SLC30A7: variants seen among roughly 807,000 people sequenced by gnomAD.
SLC30A7 encodes the protein solute carrier family 30 member 7.
A neutral mutation model predicts 46.0 loss-of-function variants in SLC30A7; 35 were observed. The observed-to-expected ratio is 0.76, with a 90% CI of 0.58 to 1.01. The LOEUF is 1.01. Among genes scored for constraint, SLC30A7 ranks in the 50% least tolerant of loss-of-function variants. The pLI is 0.00. For synonymous variants in SLC30A7, 147 were observed against 157.8 expected (o/e 0.93, Z 0.51); for missense variants, 464 against 451.1 (o/e 1.03, Z -0.26).
At chr1:100,957,817 A>C (rs533933395) in intron 8 of SLC30A7, among the ~76,000 whole-genome samples, 8 of 152,308 alleles carry the variant, frequency 5.3e-5, no homozygotes, top group African/African-American at 1.7e-4. Context: ...AAAAGATAAA[A>C]ATTTTAAGTT....
At chr1:100,961,744 C>A in intron 8 of SLC30A7, 84 bp from the exon 9 acceptor site, 1 of 688,034 alleles carries the variant, frequency 1.5e-6, no homozygotes, top group Non-Finnish European at 2.5e-6. Flanking sequence ...TATATTCTAC[C>A]GTAGGGAGGC....
At chr1:100,961,527 G>A (rs878905211) in intron 8 of SLC30A7, among the ~76,000 whole-genome samples, 4 of 152,152 alleles carry the variant, frequency 2.6e-5, no homozygotes, top group Admixed American at 1.3e-4. Flanking sequence ...TTCTGACCAC[G>A]TGGAGTCATA....
rs182407783 is a variant in SLC30A7, at chr1:100,948,192, G to C, written c.843-13636G>C. On this transcript the variant is annotated intron_variant, in intron 8 of 10. Coordinates refer to ENST00000357650, the MANE Select transcript of SLC30A7 (RefSeq NM_133496.5). ...GTTTTTGCAGTGGCTGGTGCTGGTTGTTCCTTTCCATGTTTAGTGTTTCCT... is the reference window on the plus strand; with the variant it reads ...GTTTTTGCAGTGGCTGGTGCTGGTTCTTCCTTTCCATGTTTAGTGTTTCCT... 5.3e-3 allele frequency among the ~76,000 whole-genome samples: 814 copies of C among 152,314 alleles called. 8 individuals are homozygous for C. The highest frequency in any genetic ancestry group is 0.018 in the African/African-American group (743 of 41,568).
chr1:100,951,858 CA>C (rs1408533302), intron 8 of SLC30A7, among the ~76,000 whole-genome samples: 2 of 152,138 alleles, frequency 1.3e-5, no homozygotes, highest in Non-Finnish European at 2.9e-5. Context: ...CCTTACTTCA[CA>C]AAAGAGACTT....
the SLC30A7 span, among the ~76,000 whole-genome samples, chr1:100,994,011 G>A: frequency 6.6e-6 from 1 of 151,714 alleles, no homozygotes; most frequent in South Asian, 2.1e-4. Context: ...CAAAGTACTG[G>A]GATTACAGGC....
intron 8 of SLC30A7, among the ~76,000 whole-genome samples, chr1:100,951,037 G>A (rs1195376931): frequency 6.6e-6 from 1 of 152,194 alleles, no homozygotes; most frequent in Non-Finnish European, 1.5e-5. Context: ...TCCCACTGGA[G>A]GGGAAGAAGG....
At chr1:100,967,088 C>T (rs1026507072) in intron 10 of SLC30A7, among the ~76,000 whole-genome samples, 3 of 152,166 alleles carry the variant, frequency 2.0e-5, no homozygotes, top group Non-Finnish European at 2.9e-5. Context: ...ATAAGAAGGT[C>T]ATGTCAGTAA....
At chr1:100,952,785 C>T (rs981649313) in intron 8 of SLC30A7, among the ~76,000 whole-genome samples, 3 of 152,116 alleles carry the variant, frequency 2.0e-5, no homozygotes, top group Non-Finnish European at 4.4e-5. Flanking sequence ...TCTGCAGTGT[C>T]CCTCCTAGAT....
chr1:100,925,503 G>A (rs937305392), intron 8 of SLC30A7, among the ~76,000 whole-genome samples: 4 of 152,192 alleles, frequency 2.6e-5, no homozygotes, highest in Non-Finnish European at 5.9e-5. Flanking sequence ...TGGTGGCTTG[G>A]TCTTAGGTAC....
At chr1:100,972,294 A>G (rs1195573579) in intron 10 of SLC30A7, 2 of 357,400 alleles carry the variant, frequency 5.6e-6, no homozygotes, top group East Asian at 1.1e-4. Flanking sequence ...GAAGAGGAAA[A>G]TGAGAATCTG....
intron 1 of SLC30A7, 33 bp from the exon 2 acceptor site, chr1:100,896,537 C>A: frequency 6.3e-7 from 1 of 1,597,520 alleles, no homozygotes; most frequent in Non-Finnish European, 8.6e-7. Context: ...CTCCTTAACT[C>A]TCCCGGCTCT....
At position 100,940,703 on chromosome 1, in the gene SLC30A7, TAAC is replaced by T. The variant is rs1654287964; in HGVS notation, c.842+18864_842+18866del. On this transcript the variant is annotated intron_variant, in intron 8 of 10. Coordinates refer to ENST00000357650, the MANE Select transcript of SLC30A7 (RefSeq NM_133496.5). Reference sequence around the variant, plus strand: ...CACATTCAGTGTCATGATCGGACTATAACATTTAGCAATCAACAGCATGGATGC... The same window carrying T: ...CACATTCAGTGTCATGATCGGACTATATTTAGCAATCAACAGCATGGATGC... Among the ~76,000 whole-genome samples the T allele has an allele frequency of 2.0e-5, 3 of 152,344 alleles. No homozygotes were observed. In the South Asian group the frequency reaches 6.2e-4, roughly 32 times the overall value.
the SLC30A7 span, among the ~76,000 whole-genome samples, chr1:100,987,730 T>C: frequency 6.6e-6 from 1 of 151,858 alleles, no homozygotes; most frequent in Admixed American, 6.6e-5. Context: ...GGATACCCTA[T>C]AGCATTTTAT....
chr1:100,925,358 TG>T (rs1169624732), intron 8 of SLC30A7, among the ~76,000 whole-genome samples: 1 of 152,194 alleles, frequency 6.6e-6, no homozygotes, highest in Non-Finnish European at 1.5e-5. Flanking sequence ...CCAAGTGCAA[TG>T]GGACACAATA....
intron 7 of SLC30A7, among the ~76,000 whole-genome samples, chr1:100,919,419 T>C (rs1056802419): frequency 9.9e-5 from 15 of 152,176 alleles, no homozygotes; most frequent in Non-Finnish European, 1.9e-4. Flanking sequence ...CACTATTTCT[T>C]TATATAACTC....
chr1:100,959,499 C>T (rs1558005010), intron 8 of SLC30A7, among the ~76,000 whole-genome samples: 1 of 152,208 alleles, frequency 6.6e-6, no homozygotes, highest in Non-Finnish European at 1.5e-5. Flanking sequence ...GGGGGAGAAT[C>T]TACTTCTGAG....
intron 2 of SLC30A7, among the ~76,000 whole-genome samples, chr1:100,899,168 C>T (rs189999037): frequency 5.3e-5 from 8 of 152,232 alleles, no homozygotes; most frequent in Non-Finnish European, 5.9e-5. Context: ...CCCACTAGAA[C>T]GTAAACTGTA....
At chr1:100,916,814 TTTAA>T (rs1232765101) in intron 6 of SLC30A7, among the ~76,000 whole-genome samples, 2 of 151,654 alleles carry the variant, frequency 1.3e-5, no homozygotes, top group Non-Finnish European at 2.9e-5. Flanking sequence ...CTTCCATGAG[TTTAA>T]TTGTTTTGAA....
Position 100,961,812 on chromosome 1 carries a change from T to C in SLC30A7, c.843-16T>C, listed in dbSNP as rs200456629. Reference sequence around the variant, plus strand: ...AGAATGTGACTTTAATAAATTGTTGTCTTCCTTTTCCTTAGTGTTATTCCT... The same window carrying C: ...AGAATGTGACTTTAATAAATTGTTGCCTTCCTTTTCCTTAGTGTTATTCCT... On this transcript the variant is annotated splice_polypyrimidine_tract_variant and intron_variant, in intron 8 of 10. Transcript: ENST00000357650. 69 of 1,503,198 alleles carry C rather than the reference T, an allele frequency of 4.6e-5. No individual in the cohort carries two copies. The East Asian group carries it at 1.6e-3, about 35-fold the overall frequency. The allele number at this position is 1,503,198 out of a possible 1,614,324, so 93.1% of individuals were successfully genotyped here. A position where few individuals can be genotyped will look rare whatever the true frequency, so the allele number is the denominator to read the frequency against.
Sources: allele counts gnomAD v4.1 joint callset (sites outside exome capture counted in the v4.1 genomes callset), GRCh38; gene constraint gnomAD v4.1.1; transcripts MANE v1.5; gene names NCBI Gene and HGNC (gene_info 2026-07-23, HGNC 2026-07-21).